Variants in TCF20 observed in about 807,000 individuals in gnomAD.
TCF20 encodes the protein SPRE-binding protein.
A neutral mutation model predicts 148.6 loss-of-function variants in TCF20; 3 were observed. That is an observed-to-expected ratio of 0.02 (90% CI 0.01 to 0.05). The LOEUF is 0.05. TCF20 is among the 10% of genes least tolerant of loss of function. TCF20 has a pLI of 1.00. For synonymous variants in TCF20, 1,049 were observed against 909.5 expected (o/e 1.15, Z -2.76); for missense variants, 2,350 against 2,429.3 (o/e 0.97, Z 0.69).
At chr22:42,310,655 A>G (rs1016988293) in intron 1 of TCF20, among the ~76,000 whole-genome samples, 7 of 149,994 alleles carry the variant, frequency 4.7e-5, no homozygotes, top group African/African-American at 1.8e-4. Flanking sequence ...TGGCGTGGCA[A>G]TGGAGTGCAA....
At position 42,221,737 on chromosome 22, in the gene TCF20, G is replaced by A. The variant is rs1049011283; in HGVS notation, c.-36-6396C>T. ...TAGGGCTTATTAACCATATGGCAAA[G>A]GGTTTTTTTTTTTTTTTTTGAGACG... is the stretch of plus-strand genomic sequence containing the variant. On this transcript the variant is annotated intron_variant, in intron 1 of 5. Transcript: ENST00000677622. Among the ~76,000 whole-genome samples, 4 of 43,654 alleles carry A rather than the reference G, an allele frequency of 9.2e-5. No individual in the cohort carries two copies. The South Asian group carries it at 2.1e-3, about 23-fold the overall frequency. The allele number at this position is 43,654 out of a possible 152,430, so 28.6% of individuals were successfully genotyped here. A position where few individuals can be genotyped will look rare whatever the true frequency, so the allele number is the denominator to read the frequency against.
intron 1 of TCF20, among the ~76,000 whole-genome samples, chr22:42,229,984 G>A (rs1923252081): frequency 6.6e-6 from 1 of 152,174 alleles, no homozygotes; most frequent in South Asian, 2.1e-4. Context: ...TTGTTGCTCT[G>A]CTACTAGACT....
chr22:42,261,706 T>TA (rs1319950626), intron 1 of TCF20, among the ~76,000 whole-genome samples: 1 of 152,052 alleles, frequency 6.6e-6, no homozygotes, highest in African/African-American at 2.4e-5. Context: ...AAACAGTATA[T>TA]AAAAAAGTTC....
intron 1 of TCF20, chr22:42,276,722 C>G (rs1301132761): frequency 6.6e-6 from 1 of 152,136 alleles, no homozygotes; most frequent in Non-Finnish European, 1.5e-5. Context: ...GCCCTGATGC[C>G]AAGGCGATTG....
intron 1 of TCF20, among the ~76,000 whole-genome samples, chr22:42,267,297 T>C (rs561751979): frequency 1.3e-5 from 2 of 152,140 alleles, no homozygotes; most frequent in East Asian, 3.9e-4. Context: ...CAAAACCAAT[T>C]TGAGTAATCG....
chr22:42,314,800 G>A (rs1927600367), intron 1 of TCF20, among the ~76,000 whole-genome samples: 1 of 152,166 alleles, frequency 6.6e-6, no homozygotes, highest in African/African-American at 2.4e-5. Flanking sequence ...GCAGCATCTG[G>A]AGAGGGGATT....
chr22:42,258,554 T>G (rs1403113595), intron 1 of TCF20, among the ~76,000 whole-genome samples: 1 of 152,150 alleles, frequency 6.6e-6, no homozygotes, highest in Non-Finnish European at 1.5e-5. Context: ...CACATACACT[T>G]AGGATTTTCA....
At chr22:42,235,650 A>C (rs1923820967) in intron 1 of TCF20, among the ~76,000 whole-genome samples, 1 of 152,240 alleles carries the variant, frequency 6.6e-6, no homozygotes, top group African/African-American at 2.4e-5. Context: ...TGGAAAAAGT[A>C]CTACATTTAG....
intron 1 of TCF20, among the ~76,000 whole-genome samples, chr22:42,328,816 AG>A (rs892688907): frequency 2.0e-5 from 3 of 152,304 alleles, no homozygotes; most frequent in African/African-American, 7.2e-5. Context: ...CGGGGGGGAA[AG>A]CCCCCACCCC....
chr22:42,337,861 C>T (rs57892117), intron 1 of TCF20, among the ~76,000 whole-genome samples: 5,219 of 152,276 alleles, frequency 0.034, 288 homozygotes, highest in East Asian at 0.29. Context: ...AGAGGGTGGC[C>T]GGTGGCCTCA....
intron 1 of TCF20, among the ~76,000 whole-genome samples, chr22:42,306,604 C>T (rs1200518283): frequency 6.6e-6 from 1 of 152,220 alleles, no homozygotes; most frequent in Non-Finnish European, 1.5e-5. Context: ...ATTAGGGAAA[C>T]AGCACTAATG....
intron 1 of TCF20, among the ~76,000 whole-genome samples, chr22:42,311,878 G>A (rs1927543380): frequency 6.6e-6 from 1 of 152,192 alleles, no homozygotes; most frequent in Non-Finnish European, 1.5e-5. Context: ...AGGCACATAG[G>A]TTACCCAGAA....
At chr22:42,282,244 G>A (rs960051930) in intron 1 of TCF20, among the ~76,000 whole-genome samples, 5 of 152,202 alleles carry the variant, frequency 3.3e-5, no homozygotes, top group African/African-American at 9.7e-5. Flanking sequence ...CCTGAGCTAC[G>A]GCCTGGCCCT....
chr22:42,183,730 G>A lies in TCF20; in HGVS notation c.5656-4028C>T, dbSNP rs533272115. Among the ~76,000 whole-genome samples, 25 of 151,966 alleles carry A rather than the reference G, an allele frequency of 1.6e-4. No homozygotes were observed. The South Asian group carries it at 5.2e-3, about 32-fold the overall frequency. On this transcript the variant is annotated intron_variant, in intron 2 of 5. Transcript: ENST00000677622. ...ACAATGATAGAAAACTAATACACGG[G>A]GATTTCCCAAGACTCTCAAGTGATT...
chr22:42,333,614 C>CA (rs1928016213), intron 1 of TCF20, among the ~76,000 whole-genome samples: 1 of 152,252 alleles, frequency 6.6e-6, no homozygotes, highest in Non-Finnish European at 1.5e-5. Flanking sequence ...TAAAAACCCT[C>CA]ATATCAGGCC....
intron 1 of TCF20, among the ~76,000 whole-genome samples, chr22:42,296,543 A>G (rs1400067171): frequency 6.6e-6 from 1 of 152,108 alleles, no homozygotes; most frequent in Non-Finnish European, 1.5e-5. Context: ...GCTGCTGCCC[A>G]CCAGCCGGCC....
At chr22:42,252,572 T>C (rs1441055899) in intron 1 of TCF20, among the ~76,000 whole-genome samples, 3 of 152,080 alleles carry the variant, frequency 2.0e-5, no homozygotes, top group African/African-American at 7.2e-5. Context: ...CGCCTCAGCC[T>C]CCCAAGTAGC....
chr22:42,319,858 G>A (rs1927700637), intron 1 of TCF20, among the ~76,000 whole-genome samples: 1 of 152,166 alleles, frequency 6.6e-6, no homozygotes. Flanking sequence ...TGCCGCAGCT[G>A]TGTCACTGGA....
intron 1 of TCF20, among the ~76,000 whole-genome samples, chr22:42,256,460 C>T (rs532269310): frequency 9.2e-5 from 14 of 151,630 alleles, no homozygotes; most frequent in Non-Finnish European, 1.8e-4. Flanking sequence ...ATGCGCTAGC[C>T]AATGTAGCAA....
Sources: allele counts gnomAD v4.1 joint callset (sites outside exome capture counted in the v4.1 genomes callset), GRCh38; gene constraint gnomAD v4.1.1; transcripts MANE v1.5; gene names NCBI Gene and HGNC (gene_info 2026-07-23, HGNC 2026-07-21).